Variants in KDM4C observed in about 807,000 individuals in gnomAD.
KDM4C encodes lysine demethylase 4C.
In KDM4C, 81 loss-of-function variants were observed where a neutral mutation model predicts 129.3. The ratio of observed to expected loss-of-function variants is 0.63; its 90% CI spans 0.52 to 0.75. The LOEUF (loss-of-function observed/expected upper bound fraction) is 0.75. KDM4C is among the 30% of genes least tolerant of loss of function. The probability of loss-of-function intolerance (pLI) is 0.00; values close to 1 mark genes in which losing one functional copy is unlikely to be tolerated. For missense variants in KDM4C, 1,457 were observed against 1,304.0 expected (o/e 1.12, Z -1.81); for synonymous variants, 573 against 456.1 (o/e 1.26, Z -3.26).
chr9:6,753,366 CT>C (rs1463262061), upstream of KDM4C, among the ~76,000 whole-genome samples: 3 of 152,150 alleles, frequency 2.0e-5, no homozygotes, highest in Admixed American at 1.3e-4. Context: ...ACACTGACTT[CT>C]ATCTTTTATC....
upstream of KDM4C, among the ~76,000 whole-genome samples, chr9:6,755,318 C>A (rs577811620): frequency 6.6e-6 from 1 of 152,352 alleles, no homozygotes. Flanking sequence ...TTGCAGTGAG[C>A]TGAGATCGCG....
intron 17 of KDM4C, among the ~76,000 whole-genome samples, chr9:7,088,258 T>C (rs972686821): frequency 1.3e-5 from 2 of 152,216 alleles, no homozygotes; most frequent in African/African-American, 2.4e-5. Context: ...CTCGTTGATA[T>C]GAACCCTGGA....
At chr9:6,739,250 T>C (rs1817615414) in intron 1 of KDM4C, among the ~76,000 whole-genome samples, 1 of 151,804 alleles carries the variant, frequency 6.6e-6, no homozygotes, top group African/African-American at 2.4e-5. Context: ...TTTTTGTATT[T>C]TTAGTAGATA....
At chr9:7,009,496 C>G (rs1011799400) in intron 12 of KDM4C, among the ~76,000 whole-genome samples, 1 of 151,424 alleles carries the variant, frequency 6.6e-6, no homozygotes, top group African/African-American at 2.4e-5. Flanking sequence ...ATGCTTTTTT[C>G]CCCCCATCAA....
At chr9:7,107,847 TTTGTTGTTG>T (rs3072910) in intron 18 of KDM4C, among the ~76,000 whole-genome samples, 2 of 151,760 alleles carry the variant, frequency 1.3e-5, no homozygotes, top group South Asian at 4.2e-4. Context: ...ACAGAAAGTA[TTTGTTGTTG>T]TTGTTGTTGT....
intron 4 of KDM4C, among the ~76,000 whole-genome samples, chr9:6,824,376 A>G (rs1833535913): frequency 6.6e-6 from 1 of 152,176 alleles, no homozygotes; most frequent in Admixed American, 6.5e-5. Flanking sequence ...CTGCAGCAAG[A>G]TGGTCTAGTT....
At chr9:6,785,625 C>T (rs1825325859) in intron 1 of KDM4C, among the ~76,000 whole-genome samples, 1 of 152,250 alleles carries the variant, frequency 6.6e-6, no homozygotes, top group African/African-American at 2.4e-5. Flanking sequence ...GCATGAGCCA[C>T]TGCGCCTGGC....
intron 2 of KDM4C, among the ~76,000 whole-genome samples, chr9:6,803,626 A>T (rs1176288752): frequency 6.6e-6 from 1 of 151,682 alleles, no homozygotes; most frequent in East Asian, 1.9e-4. Context: ...AAAGGTGGTA[A>T]AGTGGCCAGG....
intron 17 of KDM4C, among the ~76,000 whole-genome samples, chr9:7,052,635 A>G (rs1054406048): frequency 6.6e-6 from 1 of 152,220 alleles, no homozygotes; most frequent in Non-Finnish European, 1.5e-5. Flanking sequence ...CAGAGAGCCT[A>G]TGAAACATGC....
chr9:6,880,102 G>A (rs1382760813), intron 6 of KDM4C, 41 bp downstream of exon 6: 7 of 1,342,840 alleles, frequency 5.2e-6, no homozygotes, highest in Non-Finnish European at 7.3e-6. Context: ...TGTTTTATAT[G>A]TTTCTGTGTT....
At chr9:6,807,713 C>A (rs866368139) in intron 3 of KDM4C, among the ~76,000 whole-genome samples, 1 of 146,696 alleles carries the variant, frequency 6.8e-6, no homozygotes, top group Non-Finnish European at 1.5e-5. Context: ...AAGTGAGGAG[C>A]CTCTCCGCCC....
intron 17 of KDM4C, among the ~76,000 whole-genome samples, chr9:7,102,388 G>A (rs1178466946): frequency 7.2e-6 from 1 of 138,402 alleles, no homozygotes; most frequent in African/African-American, 2.7e-5. Context: ...TATTAAGTAC[G>A]ATGGTGGTGA....
chr9:6,769,591 G>A (rs538841911), intron 1 of KDM4C, among the ~76,000 whole-genome samples: 4 of 152,144 alleles, frequency 2.6e-5, no homozygotes, highest in African/African-American at 9.6e-5. Context: ...ATATGTTAAA[G>A]CACAGTAAAG....
intron 8 of KDM4C, among the ~76,000 whole-genome samples, chr9:6,939,976 A>ACATTCCTT: frequency 1.1e-5 from 1 of 93,528 alleles, no homozygotes; most frequent in South Asian, 4.4e-4. Flanking sequence ...CTACCTACCT[A>ACATTCCTT]CCTTCCTTCC....
At chr9:7,172,587 C>T (rs943274934) in intron 21 of KDM4C, among the ~76,000 whole-genome samples, 4 of 152,132 alleles carry the variant, frequency 2.6e-5, no homozygotes, top group Admixed American at 2.6e-4. Flanking sequence ...CCCAACCAGC[C>T]CATAATGATT....
At chr9:6,800,700 C>T (rs1223192379) in intron 2 of KDM4C, among the ~76,000 whole-genome samples, 2 of 152,114 alleles carry the variant, frequency 1.3e-5, no homozygotes, top group Non-Finnish European at 2.9e-5. Flanking sequence ...GATCTTGGCT[C>T]ACTGCAGCCT....
intron 15 of KDM4C, among the ~76,000 whole-genome samples, chr9:7,036,697 A>G (rs1186618364): frequency 2.0e-5 from 3 of 152,202 alleles, no homozygotes. Context: ...TTCAGTTTGT[A>G]TATTATGACT....
intron 6 of KDM4C, among the ~76,000 whole-genome samples, chr9:6,885,211 C>G (rs1027278475): frequency 1.3e-5 from 2 of 152,240 alleles, no homozygotes; most frequent in African/African-American, 4.8e-5. Context: ...ACCCACTAAT[C>G]TGGTTTCTGT....
At chr9:6,995,997 T>C (rs972723928) in intron 12 of KDM4C, among the ~76,000 whole-genome samples, 1 of 151,900 alleles carries the variant, frequency 6.6e-6, no homozygotes, top group Non-Finnish European at 1.5e-5. Flanking sequence ...AAAATATATT[T>C]AGGGGGTACA....
Sources: allele counts gnomAD v4.1 joint callset (sites outside exome capture counted in the v4.1 genomes callset), GRCh38; gene constraint gnomAD v4.1.1; transcripts MANE v1.5; gene names NCBI Gene and HGNC (gene_info 2026-07-23, HGNC 2026-07-21).